Variants in TJP2 observed in about 807,000 individuals in gnomAD.
The protein encoded by TJP2 is Friedreich ataxia region gene X104 (tight junction protein ZO-2).
TJP2 carries 91 observed loss-of-function variants against 133.1 expected under a neutral mutation model. That is an observed-to-expected ratio of 0.68 (90% CI 0.58 to 0.81). The LOEUF is 0.81. Among genes scored for constraint, TJP2 ranks in the 40% least tolerant of loss-of-function variants. The pLI is 0.00. For missense variants in TJP2, 1,541 were observed against 1,565.6 expected, an observed-to-expected ratio of 0.98 and a Z score of 0.26; for synonymous variants, 592 against 583.4, an observed-to-expected ratio of 1.01 and a Z score of -0.21.
chr9:69,216,496 C>G, intron 3 of TJP2, 33 bp downstream of exon 3: 1 of 1,613,428 alleles, frequency 6.2e-7, no homozygotes, highest in Non-Finnish European at 8.5e-7. Flanking sequence ...CAGCCCCTAC[C>G]AGCCCTACTG....
At chr9:69,192,388 A>G (rs181669953) in intron 1 of TJP2, among the ~76,000 whole-genome samples, 19 of 152,310 alleles carry the variant, frequency 1.2e-4, no homozygotes, top group African/African-American at 4.6e-4. Context: ...TAGAGATCAT[A>G]CAGCTGGCTA....
intron 1 of TJP2, among the ~76,000 whole-genome samples, chr9:69,203,485 GT>G (rs776325704): frequency 3.3e-5 from 5 of 151,632 alleles, no homozygotes; most frequent in Admixed American, 6.6e-5. Context: ...TGTGTTTTTA[GT>G]AGAGACGAGG....
intron 21 of TJP2, 130 bp from the exon 22 acceptor site, chr9:69,252,685 C>T: frequency 2.3e-6 from 2 of 870,398 alleles, no homozygotes; most frequent in Non-Finnish European, 3.8e-6. Flanking sequence ...TTCTGTGTTT[C>T]CTCTTCTTGA....
intron 1 of TJP2, among the ~76,000 whole-genome samples, chr9:69,130,656 G>T (rs1822455256): frequency 6.6e-6 from 1 of 152,106 alleles, no homozygotes. Context: ...GGCTGGTCTG[G>T]GCATCCTGTG....
intron 20 of TJP2, 102 bp downstream of exon 20, chr9:69,249,587 A>G: frequency 6.5e-7 from 1 of 1,545,396 alleles, no homozygotes; most frequent in Non-Finnish European, 8.7e-7. Context: ...ATGGTGTTTA[A>G]TTACGGTTCT....
chr9:69,150,629 C>A (rs761153345), intron 1 of TJP2, among the ~76,000 whole-genome samples: 1 of 152,084 alleles, frequency 6.6e-6, no homozygotes, highest in Non-Finnish European at 1.5e-5. Flanking sequence ...TTTTCTCACC[C>A]GCTGATATTT....
chr9:69,188,466 G>T (rs1825998953), intron 1 of TJP2, among the ~76,000 whole-genome samples: 1 of 152,236 alleles, frequency 6.6e-6, no homozygotes. Context: ...AATTCCACCA[G>T]TCTCTGCTTT....
intron 1 of TJP2, among the ~76,000 whole-genome samples, chr9:69,146,862 A>G (rs1448923631): frequency 6.6e-6 from 1 of 152,222 alleles, no homozygotes; most frequent in Non-Finnish European, 1.5e-5. Flanking sequence ...CACAGTGTCA[A>G]CGGTGCCACT....
intron 1 of TJP2, among the ~76,000 whole-genome samples, chr9:69,132,774 G>A (rs1351921658): frequency 6.6e-6 from 1 of 152,092 alleles, no homozygotes; most frequent in African/African-American, 2.4e-5. Flanking sequence ...ATTGCTATGG[G>A]GATATACCAA....
At chr9:69,144,159 G>T (rs1444773334) in intron 1 of TJP2, among the ~76,000 whole-genome samples, 2 of 152,090 alleles carry the variant, frequency 1.3e-5, no homozygotes, top group Admixed American at 6.6e-5. Flanking sequence ...TGAGCCACGT[G>T]CCCAGCAACA....
intron 2 of TJP2, among the ~76,000 whole-genome samples, chr9:69,158,607 A>G (rs1270190692): frequency 6.6e-6 from 1 of 152,166 alleles, no homozygotes; most frequent in East Asian, 1.9e-4. Flanking sequence ...CTTATTTTCA[A>G]GACAGGGTCT....
At chr9:69,161,948 G>A (rs563025501) in intron 2 of TJP2, among the ~76,000 whole-genome samples, 10 of 150,226 alleles carry the variant, frequency 6.7e-5, no homozygotes, top group Admixed American at 6.6e-4. Flanking sequence ...TTGGGAGGGT[G>A]AGGCAGAATT....
At chr9:69,226,284 G>C in intron 7 of TJP2, 109 bp downstream of exon 7, 1 of 1,303,664 alleles carries the variant, frequency 7.7e-7, no homozygotes, top group South Asian at 1.3e-5. Context: ...TCTAAGGAAA[G>C]ACCCCTTGAA....
chr9:69,136,733 G>A (rs1822749645), intron 1 of TJP2, among the ~76,000 whole-genome samples: 1 of 152,172 alleles, frequency 6.6e-6, no homozygotes, highest in Non-Finnish European at 1.5e-5. Context: ...GAGGGAGAAG[G>A]AGAGGATGAG....
upstream of TJP2, chr9:69,174,188 G>A (rs62567129): frequency 0.19 from 268,699 of 1,382,578 alleles, 27,460 homozygotes; most frequent in Non-Finnish European, 0.21. Context: ...GCTCGGGTCG[G>A]GGGCGGGCTG....
chr9:69,201,634 T>C (rs1827000676), intron 1 of TJP2, among the ~76,000 whole-genome samples: 1 of 152,168 alleles, frequency 6.6e-6, no homozygotes, highest in African/African-American at 2.4e-5. Flanking sequence ...AGTAAAGAAT[T>C]AGTGATGGCA....
At chr9:69,122,054 G>C (rs576171124) in intron 1 of TJP2, 47 of 152,418 alleles carry the variant, frequency 3.1e-4, no homozygotes, top group African/African-American at 1.1e-3. Context: ...GGTCTCTCTG[G>C]GGGAATCATC....
intron 1 of TJP2, among the ~76,000 whole-genome samples, chr9:69,211,102 G>A (rs1032819994): frequency 2.0e-5 from 3 of 152,206 alleles, no homozygotes; most frequent in Non-Finnish European, 4.4e-5. Flanking sequence ...CACTTTGGGA[G>A]GCCGAGGCAG....
intron 1 of TJP2, among the ~76,000 whole-genome samples, chr9:69,139,454 G>A (rs1251535756): frequency 6.6e-6 from 1 of 152,136 alleles, no homozygotes; most frequent in Non-Finnish European, 1.5e-5. Context: ...CACATACAGA[G>A]GGAAGGTAAT....
Sources: gnomAD v4.1 joint callset for allele counts (sites outside exome capture counted in the v4.1 genomes callset) on GRCh38, gnomAD v4.1.1 for gene constraint, MANE v1.5 for transcripts, NCBI Gene and HGNC (gene_info 2026-07-23, HGNC 2026-07-21) for gene names.